The following COG6 variants were observed in gnomAD, a reference collection of about 807,000 sequenced individuals.
The protein encoded by COG6 is component of oligomeric golgi complex 6, also known as conserved oligomeric Golgi complex subunit 6.
In COG6, 74 loss-of-function variants were observed where a neutral mutation model predicts 88.8. The ratio of observed to expected loss-of-function variants is 0.83; its 90% CI spans 0.69 to 1.01. The LOEUF is 1.01. COG6 is among the 50% of genes least tolerant of loss of function. The pLI is 0.00. For synonymous variants in COG6, 286 were observed against 278.7 expected (o/e 1.03, Z -0.26); for missense variants, 800 against 797.9 (o/e 1.00, Z -0.03).
chr13:39,692,302 G>T (rs1250206726), intron 11 of COG6, among the ~76,000 whole-genome samples: 3 of 151,766 alleles, frequency 2.0e-5, no homozygotes, highest in African/African-American at 7.3e-5. Flanking sequence ...AAGCCCATGG[G>T]TATAAAATCC....
At chr13:39,787,365 A>G (rs1881805754) in intron 18 of COG6, among the ~76,000 whole-genome samples, 2 of 152,140 alleles carry the variant, frequency 1.3e-5, no homozygotes, top group African/African-American at 4.8e-5. Flanking sequence ...ATTCTGTATC[A>G]AGTGATGTGT....
At chr13:39,769,445 A>T (rs1214251120) in intron 18 of COG6, among the ~76,000 whole-genome samples, 1 of 152,178 alleles carries the variant, frequency 6.6e-6, no homozygotes, top group Non-Finnish European at 1.5e-5. Flanking sequence ...GGGAAAGATT[A>T]CTTGCTCTCT....
chr13:39,724,608 A>G (rs1412948448), intron 17 of COG6, 47 bp downstream of exon 17: 1 of 1,362,894 alleles, frequency 7.3e-7, no homozygotes, highest in Admixed American at 1.7e-5. Context: ...TTATGGATCG[A>G]TAGTCTTCAT....
Position 39,682,252 on chromosome 13 carries a change from C to T in COG6, c.776C>T (p.Pro259Leu). ...TQAMEALQDR[P>L]VLYKYTLDEF... ...GCAATGGAAGCCCTGCAGGACAGAC[C>T]TGTCTTATATAAGTTGGTGACTTTT... The change falls in exon 8 of 19, where the codon CCT (proline) becomes CTT (leucine). Residue 259 changes from proline to leucine, a missense_variant. Pro to Leu is a moderately conservative substitution (Grantham distance 98). Transcript: ENST00000455146. 1 of 1,604,902 alleles carries T rather than the reference C, an allele frequency of 6.2e-7. No homozygotes were observed. The highest frequency in any genetic ancestry group is 8.5e-7 in the Non-Finnish European group (1 of 1,171,860).
rs1475229368 is a variant in COG6, at chr13:39,751,050, T to C, written c.1931T>C (p.Ile644Thr). 6.2e-7 allele frequency: 1 copy of C among 1,613,764 alleles called. No homozygotes were observed. Among genetic ancestry groups the C allele is most frequent in the African/African-American group, 1.3e-5 (1 of 75,030 alleles). The change falls in exon 19 of 19, where the codon ATT (isoleucine) becomes ACT (threonine). Residue 644 changes from isoleucine (I) to threonine (T), a missense_variant. Coordinates refer to ENST00000455146, the MANE Select transcript of COG6 (RefSeq NM_020751.3). Reference sequence around the variant, plus strand: ...AATGAATACAAAGATCCAGAGAACATTCTTCACCGATCGCCGCAGCAAGTG... The same window carrying C: ...AATGAATACAAAGATCCAGAGAACACTCTTCACCGATCGCCGCAGCAAGTG... The part of the protein sequence containing the change: ...PINEYKDPEN[I>T]LHRSPQQVQT...
chr13:39,726,874 C>T (rs993601868), intron 17 of COG6, among the ~76,000 whole-genome samples: 3 of 151,800 alleles, frequency 2.0e-5, no homozygotes, highest in Admixed American at 6.6e-5. Flanking sequence ...ATGCTTTTGC[C>T]GAATCCACAG....
chr13:39,706,415 A>G (rs1877929024), intron 13 of COG6, among the ~76,000 whole-genome samples: 1 of 151,286 alleles, frequency 6.6e-6, no homozygotes, highest in African/African-American at 2.4e-5. Flanking sequence ...AAATTATAGG[A>G]CCTTAAATGG....
chr13:39,676,450 T>C (rs1364984193), intron 4 of COG6, among the ~76,000 whole-genome samples: 3 of 152,160 alleles, frequency 2.0e-5, no homozygotes, highest in African/African-American at 7.2e-5. Context: ...TTTAAATCTG[T>C]GTATATTCAA....
At chr13:39,716,052 A>C (rs7991758) in intron 13 of COG6, among the ~76,000 whole-genome samples, 40,569 of 151,784 alleles carry the variant, frequency 0.27, 5,559 homozygotes, top group African/African-American at 0.34. Flanking sequence ...ATTTGAATCT[A>C]ATGAAAGAAA....
At chr13:39,769,060 T>C (rs1881245133) in intron 18 of COG6, among the ~76,000 whole-genome samples, 1 of 152,134 alleles carries the variant, frequency 6.6e-6, no homozygotes, top group African/African-American at 2.4e-5. Flanking sequence ...CTCTGTGGAG[T>C]TGTAGTTCAT....
At chr13:39,717,547 C>T (rs547197639) in intron 13 of COG6, among the ~76,000 whole-genome samples, 13 of 151,940 alleles carry the variant, frequency 8.6e-5, no homozygotes, top group South Asian at 2.1e-4. Flanking sequence ...TCTTTAAGTT[C>T]GCTGATTATT....
chr13:39,680,771 A>G (rs1014873900), intron 7 of COG6, among the ~76,000 whole-genome samples: 9 of 152,070 alleles, frequency 5.9e-5, no homozygotes, highest in Admixed American at 3.3e-4. Context: ...CAGCAATGTC[A>G]GGTCATTTTC....
chr13:39,750,776 T>G (rs940679787), intron 18 of COG6, among the ~76,000 whole-genome samples, 170 bp from the exon 19 acceptor site: 1 of 152,206 alleles, frequency 6.6e-6, no homozygotes, highest in Admixed American at 6.5e-5. Flanking sequence ...AAATTATATT[T>G]TATCCCAAAA....
At chr13:39,685,665 A>G (rs1361348187) in intron 8 of COG6, among the ~76,000 whole-genome samples, 1 of 152,158 alleles carries the variant, frequency 6.6e-6, no homozygotes, top group Non-Finnish European at 1.5e-5. Context: ...TTATGCTGTG[A>G]TAAGCAGTCA....
chr13:39,754,168 A>G (rs553780319), downstream of COG6, among the ~76,000 whole-genome samples: 114 of 152,126 alleles, frequency 7.5e-4, 1 homozygote, highest in Admixed American at 3.1e-3. Flanking sequence ...TTTTGCCTCT[A>G]TATGATTTCT....
At chr13:39,719,974 CA>C in intron 15 of COG6, 147 bp downstream of exon 15, 1 of 619,424 alleles carries the variant, frequency 1.6e-6, no homozygotes, top group Non-Finnish European at 2.9e-6. Flanking sequence ...CATGCATATA[CA>C]CAACACACGC....
intron 1 of COG6, chr13:39,656,281 G>T (rs1475810485): frequency 6.7e-6 from 3 of 444,546 alleles, no homozygotes; most frequent in Non-Finnish European, 1.4e-5. Context: ...ATAAGGTAGC[G>T]CAAATGGGGG....
intron 1 of COG6, 118 bp downstream of exon 1, chr13:39,655,997 A>G: frequency 7.8e-7 from 1 of 1,282,938 alleles, no homozygotes; most frequent in Non-Finnish European, 1.1e-6. Flanking sequence ...AGGGACCGCG[A>G]GTGACCCCAG....
intron 1 of COG6, 78 bp downstream of exon 1, chr13:39,655,957 C>G (rs1047575725): frequency 1.3e-6 from 2 of 1,513,328 alleles, no homozygotes; most frequent in African/African-American, 2.8e-5. Context: ...TGTCAGGGAC[C>G]CACCGCGGTC....
Sources: gnomAD v4.1 joint callset for allele counts (sites outside exome capture counted in the v4.1 genomes callset) on GRCh38, gnomAD v4.1.1 for gene constraint, MANE v1.5 for transcripts, NCBI Gene and HGNC (gene_info 2026-07-23, HGNC 2026-07-21) for gene names.